PCDHA3: variants seen among roughly 807,000 people sequenced by gnomAD.
PCDHA3 encodes protocadherin alpha 3, also known as protocadherin alpha-3.
Under a neutral mutation model 62.2 loss-of-function variants are expected in PCDHA3, and 41 were observed. The ratio of observed to expected loss-of-function variants is 0.66; its 90% confidence interval spans 0.51 to 0.86. The LOEUF (loss-of-function observed/expected upper bound fraction) is 0.86. Among genes scored for constraint, PCDHA3 ranks in the 40% least tolerant of loss-of-function variants. PCDHA3 has a pLI of 0.00. For synonymous variants in PCDHA3, 640 were observed against 555.4 expected, an observed-to-expected ratio of 1.15 and a Z score of -2.14; for missense variants, 1,304 against 1,241.2, an observed-to-expected ratio of 1.05 and a Z score of -0.76.
chr5:140,908,490 G>A (rs149646315), intron 1 of PCDHA3, among the ~76,000 whole-genome samples: 2 of 152,140 alleles, frequency 1.3e-5, no homozygotes, highest in Admixed American at 6.5e-5. Context: ...GGCAGTTCAG[G>A]TTGCTTGGTG....
rs2150130630 is a variant in PCDHA3, at chr5:140,823,943, C to T, written c.2394+20352C>T. On this transcript the variant is annotated intron_variant, in intron 1 of 3. Coordinates refer to ENST00000522353, the MANE Select transcript of PCDHA3 (RefSeq NM_018906.3). ...CTGCTGTACACCGCGCTGCGGTGCT[C>T]GGCGCAGCCCACCGAGGCCGTGTGC... 6.8e-6 allele frequency: 11 copies of T among 1,613,800 alleles called. No individual in the cohort carries two copies. In the African/African-American group the frequency reaches 8.0e-5, roughly 12 times the overall value.
intron 1 of PCDHA3, chr5:140,855,857 C>T: frequency 1.4e-6 from 1 of 710,772 alleles, no homozygotes; most frequent in Non-Finnish European, 2.3e-6. Context: ...CACCGGATGT[C>T]GCTGTCGTCC....
In PCDHA3 at chr5:140,841,967, G is replaced by T. The variant is rs1270523059; in HGVS notation, c.2394+38376G>T. On this transcript the variant is annotated intron_variant, in intron 1 of 3. Coordinates refer to ENST00000522353, the MANE Select transcript of PCDHA3 (RefSeq NM_018906.3). Reference sequence around the variant, plus strand: ...GCACCACTTATTCCTGACAGCCACAGATGGGGGCAAACCTGAGCTCACAGG... The same window carrying T: ...GCACCACTTATTCCTGACAGCCACATATGGGGGCAAACCTGAGCTCACAGG... The T allele has an allele frequency of 4.3e-6, 7 of 1,613,816 alleles. No homozygotes were observed. The Admixed American group carries it at 1.2e-4, about 27-fold the overall frequency.
intron 3 of PCDHA3, among the ~76,000 whole-genome samples, chr5:141,000,481 G>A (rs1475922134): frequency 1.5e-5 from 2 of 133,428 alleles, no homozygotes; most frequent in African/African-American, 2.8e-5. Context: ...AAGCTGGAGT[G>A]CAATGGTAAG....
intron 1 of PCDHA3, chr5:140,861,856 A>G (rs1225378019): frequency 1.3e-5 from 2 of 156,674 alleles, no homozygotes; most frequent in Admixed American, 1.3e-4. Context: ...TGGTGCTCAA[A>G]GCAACTGATG....
intron 1 of PCDHA3, chr5:140,843,835 T>G: frequency 5.5e-6 from 6 of 1,094,648 alleles, no homozygotes; most frequent in Non-Finnish European, 5.3e-6. Context: ...CATTGTTTAG[T>G]TTTTAGAAAC....
chr5:140,926,813 T>C, intron 1 of PCDHA3: 1 of 1,463,920 alleles, frequency 6.8e-7, no homozygotes, highest in East Asian at 2.5e-5. Flanking sequence ...CCGCGGCTCG[T>C]GCTCTCCAGG....
chr5:140,982,483 A>G lies in PCDHA3; in HGVS notation c.2462A>G (p.His821Arg). Residue 821 changes from histidine (H) to arginine (R), a missense_variant, in exon 3 of 4, where the codon CAC (histidine) becomes CGC (arginine). His to Arg is a conservative substitution (Grantham distance 29, BLOSUM62 0). Transcript: ENST00000522353. ...SLRAGMHSSV[H>R]LEEAGILRAG... ...TCTGTGTGTTTATTCAGCTCTGTGC[A>G]CCTAGAGGAGGCTGGCATTCTACGG... The G allele has an allele frequency of 1.2e-6, 2 of 1,614,142 alleles. No homozygotes were observed. Among genetic ancestry groups the G allele is most frequent in the Non-Finnish European group, 1.7e-6 (2 of 1,180,016 alleles).
At position 140,842,676 on chromosome 5, in the gene PCDHA3, C is replaced by G. The variant is rs1554139267; in HGVS notation, c.2394+39085C>G. The G allele has an allele frequency of 1.9e-6, 3 of 1,595,430 alleles. 1 individual carries two copies. The African/African-American group carries it at 4.0e-5, about 21-fold the overall frequency. ...GAGGTGGCCGACGTGAACGACAATG[C>G]TCCGGCGTTCGCGCAGCCCGAGTAC... On this transcript the variant is annotated intron_variant, in intron 1 of 3. Transcript: ENST00000522353.
intron 1 of PCDHA3, chr5:140,822,618 T>C (rs1767368457): frequency 6.2e-7 from 1 of 1,611,484 alleles, no homozygotes; most frequent in South Asian, 1.1e-5. Flanking sequence ...ATTTCTTTAG[T>C]AATCTTGTTC....
intron 1 of PCDHA3, among the ~76,000 whole-genome samples, chr5:140,959,018 A>T (rs1374346226): frequency 6.6e-6 from 1 of 152,078 alleles, no homozygotes; most frequent in Non-Finnish European, 1.5e-5. Flanking sequence ...TTTATACATT[A>T]AGCTTTATCA....
intron 1 of PCDHA3, chr5:140,843,353 G>A: frequency 1.3e-6 from 2 of 1,596,134 alleles, no homozygotes; most frequent in African/African-American, 1.3e-5. Context: ...GGCTCCAAAA[G>A]CGTCATCGAG....
intron 1 of PCDHA3, among the ~76,000 whole-genome samples, chr5:140,971,002 C>A (rs2096450018): frequency 6.6e-6 from 1 of 152,136 alleles, no homozygotes; most frequent in Non-Finnish European, 1.5e-5. Context: ...CAAAGAGTTT[C>A]CAGAAGTCTT....
At chr5:140,875,616 C>A (rs2055654644) in intron 1 of PCDHA3, 2 of 1,613,748 alleles carry the variant, frequency 1.2e-6, no homozygotes, top group Admixed American at 1.7e-5. Context: ...TGGGCCGCAT[C>A]GCTCAGGACC....
At chr5:140,884,169 C>A in intron 1 of PCDHA3, 2 of 1,613,426 alleles carry the variant, frequency 1.2e-6, no homozygotes, top group South Asian at 1.1e-5. Flanking sequence ...ATCAGCACGA[C>A]GCGCCCTCTG....
chr5:140,851,018 A>G (rs1389465492), intron 1 of PCDHA3: 4 of 1,432,904 alleles, frequency 2.8e-6, no homozygotes, highest in South Asian at 1.7e-5. Context: ...TTTTTCTGAT[A>G]AAGTAAACCC....
chr5:140,881,494 A>G (rs1483226847), intron 1 of PCDHA3: 1 of 293,548 alleles, frequency 3.4e-6, no homozygotes, highest in African/African-American at 2.3e-5. Flanking sequence ...GTTTATGCAC[A>G]TACACACACT....
At position 140,803,473 on chromosome 5, in the gene PCDHA3, G is replaced by A. The variant is rs2240694; in HGVS notation, c.2276G>A (p.Cys759Tyr). Residue 759 changes from cysteine (C) to tyrosine (Y), a missense_variant, in exon 1 of 4, where the codon TGC (cysteine) becomes TAC (tyrosine). Physicochemically the swap from Cys to Tyr is radical, Grantham distance 194. Coordinates refer to ENST00000522353, the MANE Select transcript of PCDHA3 (RefSeq NM_018906.3). ...TCGCAGCAGAGGCAGCAGAGGGTGT[G>A]CTCTGGAGAGGGGTTGCCCAAGACC... The part of the protein sequence containing the change: ...SYSQQRQQRV[C>Y]SGEGLPKTDL... 0.53 allele frequency: 850,357 copies of A among 1,613,902 alleles called. 224,676 individuals carry two copies. Among genetic ancestry groups the A allele is most frequent in the Middle Eastern group, 0.58 (3,527 of 6,060 alleles).
intron 3 of PCDHA3, among the ~76,000 whole-genome samples, chr5:140,995,258 A>C (rs2097672609): frequency 6.6e-6 from 1 of 152,164 alleles, no homozygotes; most frequent in Non-Finnish European, 1.5e-5. Flanking sequence ...AGGGTACTTG[A>C]ATACAAGCCC....
Sources: allele counts gnomAD v4.1 joint callset (sites outside exome capture counted in the v4.1 genomes callset), GRCh38; gene constraint gnomAD v4.1.1; transcripts MANE v1.5; gene names NCBI Gene and HGNC (gene_info 2026-07-23, HGNC 2026-07-21).